Variants in RGL3 observed in about 807,000 individuals in gnomAD.
RGL3 encodes the protein ral guanine nucleotide dissociation stimulator like 3.
RGL3 carries 85 observed loss-of-function variants against 90.6 expected under a neutral mutation model. The ratio of observed to expected loss-of-function variants is 0.94; its 90% CI spans 0.79 to 1.12. The LOEUF is 1.12. Ranked by LOEUF, RGL3 falls within the 50% of genes most tolerant of loss-of-function variation. The pLI is 0.00. For missense variants in RGL3, 1,034 were observed against 939.2 expected (o/e 1.10, Z -1.32); for synonymous variants, 408 against 385.5 (o/e 1.06, Z -0.68).
intron 5 of RGL3, among the ~76,000 whole-genome samples, chr19:11,412,600 T>C (rs1381134894): frequency 1.3e-5 from 2 of 151,980 alleles, no homozygotes; most frequent in Non-Finnish European, 2.9e-5. Context: ...CTCAGGAGGC[T>C]GAGGTAGGAG....
chr19:11,394,362 G>A lies in RGL3; in HGVS notation c.*40C>T, dbSNP rs776628923. 2.7e-6 allele frequency: 4 copies of A among 1,491,680 alleles called. No individual in the cohort carries two copies. Among genetic ancestry groups the A allele is most frequent in the Non-Finnish European group, 9.4e-7 (1 of 1,068,588 alleles). 92.4% of individuals were successfully genotyped at this position (1,491,680 alleles called of 1,614,324 possible). A position where few individuals can be genotyped will look rare whatever the true frequency, so the allele number is the denominator to read the frequency against. On this transcript the variant is annotated 3_prime_UTR_variant, in exon 19 of 19. Transcript: ENST00000380456. ...TTTCCAGGAGAAGAGTCGCAAGCTT[G>A]CCTGTGGGACTTGTGTCTTGTGGAG...
intron 5 of RGL3, among the ~76,000 whole-genome samples, chr19:11,414,488 T>C (rs1968949480): frequency 2.3e-5 from 1 of 43,288 alleles, no homozygotes; most frequent in Non-Finnish European, 3.9e-5. Flanking sequence ...TATATACACC[T>C]TCATATATAT....
Position 11,396,132 on chromosome 19 carries a change from CTCT to C in RGL3, c.2014+1109_2014+1111del, listed in dbSNP as rs1968563452. ...TCTCTCTCTCTCTCTCTCTCTCTCT[CTCT>C]CTATATATATATATATATATATATT... On this transcript the variant is annotated intron_variant, in intron 18 of 18. Transcript: ENST00000380456. Among the ~76,000 whole-genome samples, 7 of 38,682 alleles carry C rather than the reference CTCT, an allele frequency of 1.8e-4. No individual in the cohort carries two copies. In the South Asian group the frequency reaches 9.8e-3, roughly 54 times the overall value. The allele number at this position is 38,682 out of a possible 152,430, so 25.4% of individuals were successfully genotyped here.
intron 5 of RGL3, among the ~76,000 whole-genome samples, chr19:11,413,200 T>C (rs1008430991): frequency 4.0e-5 from 6 of 149,406 alleles, no homozygotes; most frequent in Non-Finnish European, 7.4e-5. Flanking sequence ...AGACCTGAAT[T>C]TTTGCCTTTG....
Position 11,406,461 on chromosome 19 carries a change from C to A in RGL3, c.954G>T (p.Pro318=), listed in dbSNP as rs911805885. The A allele has an allele frequency of 1.9e-6, 3 of 1,549,292 alleles. No homozygotes were observed. Among genetic ancestry groups the A allele is most frequent in the Non-Finnish European group, 2.6e-6 (3 of 1,150,596 alleles). Residue 318 remains proline, a synonymous_variant, in exon 7 of 19, where the codon CCG becomes CCT. Coordinates refer to ENST00000380456, the MANE Select transcript of RGL3 (RefSeq NM_001035223.4). ...ACTTCTCCAGCCGCTGCGCCCTCTG[C>A]GGGGCGGCCAAGCCCGGTGCTCCGA... ...SVLGAPGLAA[P]QRAQRLEKWI...
rs770730096 is a variant in RGL3, at chr19:11,416,029, C to G, written c.545G>C (p.Ser182Thr). 28 of 1,613,896 alleles carry G rather than the reference C, an allele frequency of 1.7e-5. No individual in the cohort carries two copies. Among genetic ancestry groups the G allele is most frequent in the Non-Finnish European group, 2.4e-5 (28 of 1,180,016 alleles). ...RTFLGWAAPGSAEAQKAEKLL... is the reference protein window; with the variant it reads ...RTFLGWAAPGTAEAQKAEKLL... The stretch of plus-strand genomic sequence containing the variant: ...CTTCTCTGCTTTTTGAGCCTCAGCA[C>G]TCCCTGGGGCCGCCCAGCCCAGAAA... Residue 182 changes from serine (S) to threonine (T), a missense_variant, in exon 5 of 19, where the codon AGT becomes ACT. By Grantham distance (58) the Ser-to-Thr change is moderately conservative. Coordinates refer to ENST00000380456, the MANE Select transcript of RGL3 (RefSeq NM_001035223.4).
rs1968651032 is a variant in RGL3 at position 11,400,263 on chromosome 19, C to T, written c.1519G>A (p.Ala507Thr). ...RLSRVIEPPA[A>T]SCPSSPRIRR... ...ATGCGTGGGGAGCTGGGGCAGGAGG[C>T]AGCTGGTGGCTCAATGACCCGGGAG... Residue 507 changes from alanine (A) to threonine (T), a missense_variant, in exon 14 of 19, where the codon GCC (alanine) becomes ACC (threonine). By Grantham distance (58) the Ala-to-Thr change is moderately conservative. Coordinates refer to ENST00000380456, the MANE Select transcript of RGL3 (RefSeq NM_001035223.4). 6.3e-7 allele frequency: 1 copy of T among 1,598,044 alleles called. No individual in the cohort carries two copies.
At chr19:11,409,594 T>G (rs1380909843) in intron 5 of RGL3, among the ~76,000 whole-genome samples, 1 of 152,240 alleles carries the variant, frequency 6.6e-6, no homozygotes, top group East Asian at 1.9e-4. Context: ...ACACAAATTT[T>G]TTTGGCTCCA....
Position 11,400,202 on chromosome 19 carries a change from G to T in RGL3, c.1580C>A (p.Ala527Glu), listed in dbSNP as rs372106275. The T allele has an allele frequency of 4.4e-6, 7 of 1,581,850 alleles. No individual in the cohort carries two copies. Among genetic ancestry groups the T allele is most frequent in the African/African-American group, 2.7e-5 (2 of 73,944 alleles). ...CCCCTACACACACCCCGAGACTCAC[G>T]CACTGAGACGCTTGGTGAGGCTGAT... ...RRISLTKRLS[A>E]KLAREKSSSP... Residue 527 changes from alanine (A) to glutamate (E), a missense_variant and splice_region_variant, in exon 14 of 19, where the codon GCG becomes GAG. By Grantham distance (107) the Ala-to-Glu change is moderately radical. Coordinates refer to ENST00000380456, the MANE Select transcript of RGL3 (RefSeq NM_001035223.4).
chr19:11,402,280 CAGGGTCA>C (rs147985412), intron 11 of RGL3, 33 bp from the exon 12 acceptor site: 5 of 1,612,086 alleles, frequency 3.1e-6, no homozygotes, highest in South Asian at 1.1e-5. Context: ...TTGCAGCACC[CAGGGTCA>C]AGGGTCAAGG....
At chr19:11,414,448 T>TATATATACCTTCATATATATAC (rs1968945137) in intron 5 of RGL3, among the ~76,000 whole-genome samples, 1 of 73,162 alleles carries the variant, frequency 1.4e-5, no homozygotes, top group African/African-American at 8.6e-5. Flanking sequence ...TATATATACA[T>TATATATACCTTCATATATATAC]ATATATATAT....
At chr19:11,395,826 A>T (rs1016183806) in intron 18 of RGL3, among the ~76,000 whole-genome samples, 2 of 151,352 alleles carry the variant, frequency 1.3e-5, no homozygotes, top group East Asian at 3.9e-4. Context: ...ACGAGGCTTC[A>T]CCATGTTGGC....
chr19:11,402,560 C>T lies in RGL3; in HGVS notation c.1243-19G>A, dbSNP rs778864197. 8.1e-6 allele frequency: 13 copies of T among 1,605,578 alleles called. No individual in the cohort carries two copies. The highest frequency in any genetic ancestry group is 2.7e-5 in the African/African-American group (2 of 74,216). On this transcript the variant is annotated intron_variant, in intron 10 of 18. Coordinates refer to ENST00000380456, the MANE Select transcript of RGL3 (RefSeq NM_001035223.4). ...GTGGTTTCTGCAGCCCCCAAAGCTCCAGTCACTTGGGGCCATTACTGACCC... is the reference window on the plus strand; with the variant it reads ...GTGGTTTCTGCAGCCCCCAAAGCTCTAGTCACTTGGGGCCATTACTGACCC...
rs566882829 is a variant in RGL3, at chr19:11,402,350, G to C, written c.1330-103C>G. On this transcript the variant is annotated intron_variant, in intron 11 of 18. Transcript: ENST00000380456. ...AGCCCCACTGTAGTAAGGGAGTGTG[G>C]GGTGGTGTCAGGAGTACAGGTAGGA... 3.7e-4 allele frequency: 589 copies of C among 1,580,892 alleles called. 1 individual carries two copies. The highest frequency in any genetic ancestry group is 4.9e-4 in the Non-Finnish European group (562 of 1,154,118).
chr19:11,409,296 T>C (rs950195507), intron 5 of RGL3, among the ~76,000 whole-genome samples: 4 of 151,910 alleles, frequency 2.6e-5, no homozygotes, highest in East Asian at 1.9e-4. Flanking sequence ...CTGGCTAACA[T>C]GGTGAAACCC....
intron 18 of RGL3, among the ~76,000 whole-genome samples, chr19:11,396,583 G>A (rs1295817371): frequency 6.6e-6 from 1 of 151,130 alleles, no homozygotes; most frequent in African/African-American, 2.4e-5. Context: ...TGGGATTACA[G>A]TTGTGAGCCA....
At chr19:11,419,181 G>T in intron 1 of RGL3, 65 bp downstream of exon 1, 1 of 1,540,134 alleles carries the variant, frequency 6.5e-7, no homozygotes, top group Non-Finnish European at 8.8e-7. Flanking sequence ...ACGGGCGGGC[G>T]CTTGGAGTTT....
rs867280954 is a variant in RGL3 at position 11,406,484 on chromosome 19, C to T, written c.931G>A (p.Gly311Arg). Residue 311 changes from glycine (G) to arginine (R), a missense_variant, in exon 7 of 19, where the codon GGA becomes AGA. Gly to Arg is a moderately radical substitution (Grantham distance 125). Coordinates refer to ENST00000380456, the MANE Select transcript of RGL3 (RefSeq NM_001035223.4). The part of the protein sequence containing the change: ...VTGCVLGSVL[G>R]APGLAAPQRA... ...TGCGGGGCGGCCAAGCCCGGTGCTC[C>T]GAGCACGGAACCCAGCACACAGCCG... 3 of 1,554,540 alleles carry T rather than the reference C, an allele frequency of 1.9e-6. No individual in the cohort carries two copies. The highest frequency in any genetic ancestry group is 1.4e-5 in the African/African-American group (1 of 73,898).
At chr19:11,404,062 T>C (rs1471088316) in intron 9 of RGL3, among the ~76,000 whole-genome samples, 1 of 152,124 alleles carries the variant, frequency 6.6e-6, no homozygotes, top group Non-Finnish European at 1.5e-5. Context: ...GTTGTATTTT[T>C]TGCAGAGATG....
Sources: gnomAD v4.1 joint callset for allele counts (sites outside exome capture counted in the v4.1 genomes callset) on GRCh38, gnomAD v4.1.1 for gene constraint, MANE v1.5 for transcripts, NCBI Gene and HGNC (gene_info 2026-07-23, HGNC 2026-07-21) for gene names.